Variants in NRCAM observed in about 807,000 individuals in gnomAD.
The protein encoded by NRCAM is NgCAM-related cell adhesion molecule.
NRCAM carries 83 observed loss-of-function variants against 156.5 expected under a neutral mutation model. That is an observed-to-expected ratio of 0.53 (90% CI 0.44 to 0.64). The LOEUF (loss-of-function observed/expected upper bound fraction) is 0.64. Ranked by LOEUF, NRCAM falls within the 30% of genes least tolerant of loss-of-function variation. The pLI, the probability that NRCAM is intolerant of heterozygous loss-of-function variation, is 0.00. For synonymous variants in NRCAM, 538 were observed against 563.9 expected, an observed-to-expected ratio of 0.95 and a Z score of 0.65; for missense variants, 1,417 against 1,597.3, an observed-to-expected ratio of 0.89 and a Z score of 1.92.
chr7:108,299,433 A>G (rs546377830), intron 3 of NRCAM, among the ~76,000 whole-genome samples: 1 of 152,316 alleles, frequency 6.6e-6, no homozygotes, highest in East Asian at 1.9e-4. Flanking sequence ...AACCACAATG[A>G]CACTACAGTC....
In NRCAM at chr7:108,154,780, A is replaced by C. The variant is rs7794714; in HGVS notation, c.3678-4633T>G. Among the ~76,000 whole-genome samples, 1,387 of 152,234 alleles carry C rather than the reference A, an allele frequency of 9.1e-3. 21 individuals carry two copies. The highest frequency in any genetic ancestry group is 0.032 in the African/African-American group (1,310 of 41,554). ...TGCTGGGTTTGTGTTCAACAAGCAT[A>C]CATGTCCATCTCCCATCACATCTCT... On this transcript the variant is annotated intron_variant, in intron 32 of 32. Coordinates refer to ENST00000379028, the MANE Select transcript of NRCAM (RefSeq NM_001037132.4).
At position 108,207,581 on chromosome 7, in the gene NRCAM, T is replaced by C. The variant is rs1304497350; in HGVS notation, c.1154A>G (p.Asn385Ser). ...GEDGTLICRA[N>S]GNPKPRISWL... The stretch of plus-strand genomic sequence containing the variant: ...GCTAATTCTGGGTTTGGGGTTGCCA[T>C]TAGCTCTGCAGATCAAGGTCCCATC... Residue 385 changes from asparagine (N) to serine (S), a missense_variant, in exon 13 of 33, where the codon AAT becomes AGT. Transcript: ENST00000379028. The C allele has an allele frequency of 1.2e-6, 2 of 1,613,906 alleles. No homozygotes were observed. The highest frequency in any genetic ancestry group is 1.7e-6 in the Non-Finnish European group (2 of 1,179,918).
chr7:108,283,623 C>T (rs566332577), intron 3 of NRCAM, among the ~76,000 whole-genome samples: 5 of 152,298 alleles, frequency 3.3e-5, no homozygotes, highest in African/African-American at 1.2e-4. Flanking sequence ...ATGTCTAAGT[C>T]TGAGGCTCCT....
chr7:108,232,344 T>C lies in NRCAM; in HGVS notation c.409A>G (p.Ile137Val). ...NERGAAVSNN[I>V]VVRPSRSPLW... ...CACTTACTGGATGGGCGGACAACAA[T>C]GTTATTAGAAACTGCAGCTCCGCGT... Residue 137 changes from isoleucine (I) to valine (V), a missense_variant, in exon 7 of 33, where the codon ATT (isoleucine) becomes GTT (valine). Physicochemically the swap from Ile to Val is conservative, Grantham distance 29. Transcript: ENST00000379028. 1 of 1,605,184 alleles carries C rather than the reference T, an allele frequency of 6.2e-7. No individual in the cohort carries two copies. Among genetic ancestry groups the C allele is most frequent in the Non-Finnish European group, 8.5e-7 (1 of 1,177,134 alleles).
chr7:108,163,313 C>T (rs1406078836), intron 30 of NRCAM, among the ~76,000 whole-genome samples: 2 of 152,094 alleles, frequency 1.3e-5, no homozygotes, highest in South Asian at 2.1e-4. Context: ...TCTGCTCTGG[C>T]GTTGCTTGCT....
intron 2 of NRCAM, among the ~76,000 whole-genome samples, chr7:108,343,600 A>C (rs2099318759): frequency 6.6e-6 from 1 of 152,208 alleles, no homozygotes; most frequent in African/African-American, 2.4e-5. Context: ...AGAATGGGGA[A>C]CCTCATGAGG....
intron 2 of NRCAM, among the ~76,000 whole-genome samples, chr7:108,341,283 C>T (rs1395236391): frequency 1.3e-5 from 2 of 152,158 alleles, no homozygotes; most frequent in African/African-American, 4.8e-5. Flanking sequence ...CACAGAGCCC[C>T]GGGTATGCTT....
Position 108,194,302 on chromosome 7 carries a change from T to G in NRCAM, c.1590A>C (p.Lys530Asn). ...TGTYTCVARN[K>N]LGMAKNEVHL... ...GAACTTCATTCTTCGCCATCCCTAA[T>G]TTATTCCTTGCAACACACGTATAAG... The change falls in exon 16 of 33, where the codon AAA becomes AAC. Residue 530 changes from lysine (K) to asparagine (N), a missense_variant. This residue lies in a region of NRCAM where 1,238 missense variants were observed against 1,336.4 expected (regional missense o/e 0.93). Transcript: ENST00000379028. 1 of 1,613,376 alleles carries G rather than the reference T, an allele frequency of 6.2e-7. No homozygotes were observed. The highest frequency in any genetic ancestry group is 8.5e-7 in the Non-Finnish European group (1 of 1,179,428).
Position 108,160,370 on chromosome 7 carries a change from T to C in NRCAM, c.3589A>G (p.Lys1197Glu). ...VCFIRRNKGG[K>E]YPVKEKEDAH... ...AATCTTTCTTTCTTACCTGGATATT[T>C]ACCACCCTTGTTTCTTCTGATGAAG... Residue 1197 changes from lysine to glutamate, a missense_variant, in exon 31 of 33, where the codon AAA becomes GAA. Around this residue, in one of 2 missense-constraint regions of NRCAM, gnomAD observed 179 missense variants for 260.9 expected, o/e 0.69. Coordinates refer to ENST00000379028, the MANE Select transcript of NRCAM (RefSeq NM_001037132.4). 1 of 1,613,308 alleles carries C rather than the reference T, an allele frequency of 6.2e-7. No individual in the cohort carries two copies. Among genetic ancestry groups the C allele is most frequent in the Non-Finnish European group, 8.5e-7 (1 of 1,179,404 alleles).
chr7:108,429,350 C>G (rs984470115), intron 1 of NRCAM, among the ~76,000 whole-genome samples: 5 of 152,152 alleles, frequency 3.3e-5, no homozygotes, highest in African/African-American at 1.2e-4. Context: ...CGCCACCACG[C>G]CTGGCTAATT....
At chr7:108,296,032 G>A (rs2098448186) in intron 3 of NRCAM, among the ~76,000 whole-genome samples, 1 of 152,174 alleles carries the variant, frequency 6.6e-6, no homozygotes, top group African/African-American at 2.4e-5. Flanking sequence ...GAGGGTGTCT[G>A]GAAGAAGCAA....
intron 2 of NRCAM, among the ~76,000 whole-genome samples, chr7:108,386,598 T>C (rs1365361795): frequency 6.6e-6 from 1 of 152,112 alleles, no homozygotes; most frequent in African/African-American, 2.4e-5. Context: ...ACATAGAATA[T>C]AGAGATGGCC....
At chr7:108,255,215 G>A (rs898700946) in intron 3 of NRCAM, among the ~76,000 whole-genome samples, 1 of 137,874 alleles carries the variant, frequency 7.3e-6, no homozygotes, top group Non-Finnish European at 1.5e-5. Context: ...CTCTGATGCG[G>A]AGCAGAGGCT....
chr7:108,316,514 G>A (rs11763039), intron 2 of NRCAM, among the ~76,000 whole-genome samples: 40 of 152,090 alleles, frequency 2.6e-4, no homozygotes, highest in Non-Finnish European at 5.6e-4. Flanking sequence ...GGTGGCTCAC[G>A]CCTGTAATCC....
chr7:108,313,642 G>C (rs541812587), intron 2 of NRCAM, among the ~76,000 whole-genome samples: 22 of 152,224 alleles, frequency 1.4e-4, no homozygotes, highest in African/African-American at 5.3e-4. Context: ...CCTGCATTAA[G>C]TTGCAAAAAA....
At chr7:108,170,154 G>A (rs2057540930) in intron 28 of NRCAM, among the ~76,000 whole-genome samples, 1 of 151,810 alleles carries the variant, frequency 6.6e-6, no homozygotes, top group Admixed American at 6.6e-5. Flanking sequence ...ATTGACAGAT[G>A]AATGGATAAA....
intron 25 of NRCAM, among the ~76,000 whole-genome samples, chr7:108,178,668 C>T (rs2061944190): frequency 6.6e-6 from 1 of 150,474 alleles, no homozygotes; most frequent in African/African-American, 2.4e-5. Flanking sequence ...GGCACACCCC[C>T]AGCCCTGGGG....
intron 2 of NRCAM, among the ~76,000 whole-genome samples, chr7:108,371,606 T>C (rs1408104280): frequency 6.6e-6 from 1 of 152,174 alleles, no homozygotes; most frequent in African/African-American, 2.4e-5. Flanking sequence ...TTAACAACTA[T>C]GTGTTGAATA....
At chr7:108,272,852 A>G (rs1375708037) in intron 3 of NRCAM, among the ~76,000 whole-genome samples, 2 of 151,992 alleles carry the variant, frequency 1.3e-5, no homozygotes. Context: ...TGCTGCACCT[A>G]TCAACTCGTC....
Sources: gnomAD v4.1 joint callset for allele counts (sites outside exome capture counted in the v4.1 genomes callset) on GRCh38, gnomAD v4.1.1 for gene constraint, gnomAD v4.1.1 regional missense constraint, MANE v1.5 for transcripts, NCBI Gene and HGNC (gene_info 2026-07-23, HGNC 2026-07-21) for gene names.